The following DLGAP2 variants were observed in gnomAD, a reference collection of about 807,000 sequenced individuals.
DLGAP2 encodes the protein disks large-associated protein 2.
In DLGAP2, 26 loss-of-function variants were observed where a neutral mutation model predicts 100.3. The ratio of observed to expected loss-of-function variants is 0.26; its 90% CI spans 0.19 to 0.36. The LOEUF is 0.36. Ranked by LOEUF, DLGAP2 falls within the 10% of genes least tolerant of loss-of-function variation. The pLI, the probability that DLGAP2 is intolerant of heterozygous loss-of-function variation, is 1.00. For missense variants in DLGAP2, 1,858 were observed against 1,453.2 expected (o/e 1.28, Z -4.53); for synonymous variants, 886 against 630.1 (o/e 1.41, Z -6.08).
At position 1,128,224 on chromosome 8, in the gene DLGAP2, G is replaced by A. The variant is rs181843116; in HGVS notation, c.74-130627G>A. On this transcript the variant is annotated intron_variant, in intron 2 of 14. Coordinates refer to ENST00000637795, the MANE Select transcript of DLGAP2 (RefSeq NM_001346810.2). ...TCGGTGAGGACCTGCTCCCCATGTT[G>A]TGTTCGGTGAGGACCTGCTCCCGGT... Among the ~76,000 whole-genome samples, 413 of 151,680 alleles carry A rather than the reference G, an allele frequency of 2.7e-3. 2 individuals carry two copies. The highest frequency in any genetic ancestry group is 9.5e-3 in the African/African-American group (390 of 41,232).
chr8:1,706,419 C>T lies in DLGAP2; in HGVS notation c.*5013C>T, dbSNP rs1450336871. 1 of 152,228 alleles carries T rather than the reference C, an allele frequency of 6.6e-6. No individual in the cohort carries two copies. 9.4% of individuals were successfully genotyped at this position (152,228 alleles called of 1,614,324 possible). A position where few individuals can be genotyped will look rare whatever the true frequency, so the allele number is the denominator to read the frequency against. On this transcript the variant is annotated 3_prime_UTR_variant, in exon 15 of 15. Transcript: ENST00000637795. ...ACTGCTAAGGATTAGTCCCTGGCCT[C>T]TTCTAGAATGCCGCCCTCCCAGCTC...
chr8:1,465,671 A>T (rs1035930097), intron 3 of DLGAP2, among the ~76,000 whole-genome samples: 5 of 152,212 alleles, frequency 3.3e-5, no homozygotes, highest in African/African-American at 9.6e-5. Flanking sequence ...ACTCCACTGG[A>T]TGGGCGTGAC....
chr8:1,583,421 G>T (rs796927957), intron 6 of DLGAP2, among the ~76,000 whole-genome samples: 3 of 152,168 alleles, frequency 2.0e-5, no homozygotes, highest in African/African-American at 7.2e-5. Context: ...GGCAAGCTGG[G>T]TACCTGGCCT....
At chr8:778,563 C>G (rs541284679) in intron 1 of DLGAP2, among the ~76,000 whole-genome samples, 1 of 152,298 alleles carries the variant, frequency 6.6e-6, no homozygotes, top group East Asian at 1.9e-4. Flanking sequence ...TTCCTCCTAA[C>G]GGACAGGACC....
intron 3 of DLGAP2, among the ~76,000 whole-genome samples, chr8:1,408,498 C>G (rs1205784397): frequency 1.3e-5 from 2 of 152,188 alleles, no homozygotes; most frequent in East Asian, 1.9e-4. Flanking sequence ...GCAGAGGGAC[C>G]TTCTCTGGGC....
At chr8:1,222,698 A>C (rs937884658) in intron 2 of DLGAP2, among the ~76,000 whole-genome samples, 2 of 151,940 alleles carry the variant, frequency 1.3e-5, no homozygotes, top group Admixed American at 6.6e-5. Context: ...GTGGGTGTGC[A>C]CTGGTGGGGT....
chr8:1,296,395 C>A (rs149676034), intron 3 of DLGAP2, among the ~76,000 whole-genome samples: 1 of 152,156 alleles, frequency 6.6e-6, no homozygotes, highest in South Asian at 2.1e-4. Flanking sequence ...TGCCTTGTAA[C>A]TTCCAAAAAC....
At chr8:1,256,810 G>T (rs1799232327) in intron 2 of DLGAP2, among the ~76,000 whole-genome samples, 1 of 152,160 alleles carries the variant, frequency 6.6e-6, no homozygotes, top group African/African-American at 2.4e-5. Flanking sequence ...CTTCAGTGAT[G>T]GCAGCGATGG....
chr8:1,435,348 G>C (rs960172360), intron 3 of DLGAP2, among the ~76,000 whole-genome samples: 2 of 152,152 alleles, frequency 1.3e-5, no homozygotes, highest in Non-Finnish European at 2.9e-5. Context: ...ACTACATCAC[G>C]CACCGCACAC....
At chr8:1,414,573 G>T (rs1296591771) in intron 3 of DLGAP2, among the ~76,000 whole-genome samples, 1 of 152,366 alleles carries the variant, frequency 6.6e-6, no homozygotes, top group Non-Finnish European at 1.5e-5. Context: ...GTCCACACCA[G>T]AGTGGAGGCA....
chr8:1,426,904 A>T lies in DLGAP2; in HGVS notation c.107-74462A>T, dbSNP rs184517930. Among the ~76,000 whole-genome samples the T allele has an allele frequency of 9.1e-3, 1,382 of 151,796 alleles. 21 individuals carry two copies. The highest frequency in any genetic ancestry group is 0.032 in the African/African-American group (1,323 of 41,446). On this transcript the variant is annotated intron_variant, in intron 3 of 14. Coordinates refer to ENST00000637795, the MANE Select transcript of DLGAP2 (RefSeq NM_001346810.2). ...CCAATGCATATGAAAGGGGAAAAAA[A>T]TAACAACAGAAGATACAGGATACAA...
chr8:1,377,340 C>G (rs1402666360), intron 3 of DLGAP2, among the ~76,000 whole-genome samples: 1 of 152,146 alleles, frequency 6.6e-6, no homozygotes, highest in Admixed American at 6.5e-5. Flanking sequence ...GTCAGGAGAT[C>G]GAGACCATCC....
At position 1,651,643 on chromosome 8, in the gene DLGAP2, A is replaced by G. The variant is rs560158955; in HGVS notation, c.1811-16686A>G. On this transcript the variant is annotated intron_variant, in intron 8 of 14. Transcript: ENST00000637795. ...GCCTGGCCCACAGCTCCAATGGCTT[A>G]AGCCCCTAGCTCCGTTCTCTGCGTT... Among the ~76,000 whole-genome samples the G allele has an allele frequency of 4.6e-5, 7 of 152,244 alleles. No homozygotes were observed. In the East Asian group the frequency reaches 1.4e-3, roughly 30 times the overall value.
At chr8:1,601,124 A>C (rs547405469) in intron 6 of DLGAP2, among the ~76,000 whole-genome samples, 16 of 152,206 alleles carry the variant, frequency 1.1e-4, no homozygotes, top group Non-Finnish European at 2.2e-4. Context: ...TCTAACCATC[A>C]GGCCCCTCTT....
chr8:1,597,743 G>T (rs1317128628), intron 6 of DLGAP2, among the ~76,000 whole-genome samples: 1 of 152,188 alleles, frequency 6.6e-6, no homozygotes, highest in Non-Finnish European at 1.5e-5. Flanking sequence ...TGCTAAAGTT[G>T]CTTATCGGCT....
At position 774,852 on chromosome 8, in the gene DLGAP2, G is replaced by A. The variant is rs575967352; in HGVS notation, c.18+37027G>A. Among the ~76,000 whole-genome samples the A allele has an allele frequency of 4.9e-3, 719 of 146,400 alleles. 2 individuals carry two copies. Among genetic ancestry groups the A allele is most frequent in the Non-Finnish European group, 7.2e-3 (477 of 66,138 alleles). ...TGCGGGCTCTTTTTTGGTTCCATAT[G>A]AACTTTAAAGTAGTTTTTTCCAATT... On this transcript the variant is annotated intron_variant, in intron 1 of 14. Coordinates refer to ENST00000637795, the MANE Select transcript of DLGAP2 (RefSeq NM_001346810.2).
At chr8:897,972 G>A (rs1040569521) in intron 1 of DLGAP2, among the ~76,000 whole-genome samples, 1 of 152,140 alleles carries the variant, frequency 6.6e-6, no homozygotes, top group Non-Finnish European at 1.5e-5. Flanking sequence ...CCTCCATCCA[G>A]GCCTGGATCC....
intron 1 of DLGAP2, among the ~76,000 whole-genome samples, chr8:760,473 C>G (rs1401904198): frequency 6.6e-6 from 1 of 152,192 alleles, no homozygotes; most frequent in Admixed American, 6.5e-5. Context: ...TCTCATCTTG[C>G]CTGTCCAAAA....
intron 6 of DLGAP2, among the ~76,000 whole-genome samples, chr8:1,595,652 C>T (rs1277052837): frequency 3.8e-5 from 5 of 131,228 alleles, no homozygotes; most frequent in African/African-American, 5.8e-5. Flanking sequence ...CCCGCCTGGG[C>T]GACAGAGCGA....
Sources: gnomAD v4.1 joint callset for allele counts (sites outside exome capture counted in the v4.1 genomes callset) on GRCh38, gnomAD v4.1.1 for gene constraint, MANE v1.5 for transcripts, NCBI Gene and HGNC (gene_info 2026-07-23, HGNC 2026-07-21) for gene names.